Variants in PHLDB2 observed in about 807,000 individuals in gnomAD.
The protein encoded by PHLDB2 is pleckstrin homology like domain family B member 2.
A neutral mutation model predicts 123.6 loss-of-function variants in PHLDB2; 71 were observed. The ratio of observed to expected loss-of-function variants is 0.57; its 90% CI spans 0.47 to 0.70. PHLDB2 has a LOEUF of 0.70. Ranked by LOEUF, PHLDB2 falls within the 30% of genes least tolerant of loss-of-function variation. The probability of loss-of-function intolerance (pLI) is 0.00; values close to 1 mark genes in which losing one functional copy is unlikely to be tolerated. For missense variants in PHLDB2, 1,446 were observed against 1,519.5 expected (o/e 0.95, Z 0.80); for synonymous variants, 547 against 541.6 (o/e 1.01, Z -0.14).
rs61038523 is a variant in PHLDB2, at chr3:111,866,014, A to ATTTTTTTTTTTTTTTTT, written c.-15+6446_-15+6462dup. Reference sequence around the variant, plus strand: ...TTTTAGAAACCTACCCCACCCACTCATTTTTTTTTTTTTTTTTTTTTTTTG... The same window carrying ATTTTTTTTTTTTTTTTT: ...TTTTAGAAACCTACCCCACCCACTCATTTTTTTTTTTTTTTTTTTTTTTTTTTTTTTTTTTTTTTTTG... On this transcript the variant is annotated intron_variant, in intron 1 of 17. Coordinates refer to ENST00000431670, the MANE Select transcript of PHLDB2 (RefSeq NM_001134438.2). Among the ~76,000 whole-genome samples the ATTTTTTTTTTTTTTTTT allele has an allele frequency of 3.1e-3, 179 of 57,410 alleles. 29 individuals carry two copies. The highest frequency in any genetic ancestry group is 6.0e-3 in the East Asian group (7 of 1,166). The allele number at this position is 57,410 out of a possible 152,430, so 37.7% of individuals were successfully genotyped here.
chr3:111,878,824 T>G (rs1450068339), intron 1 of PHLDB2, among the ~76,000 whole-genome samples: 1 of 152,182 alleles, frequency 6.6e-6, no homozygotes, highest in Non-Finnish European at 1.5e-5. Flanking sequence ...TGGTTTTTAT[T>G]ATTGGTTCTG....
At chr3:111,752,248 CTG>C (rs767384410) in intron 1 of PHLDB2, among the ~76,000 whole-genome samples, 18 of 119,306 alleles carry the variant, frequency 1.5e-4, no homozygotes, top group East Asian at 5.3e-4. Flanking sequence ...GTGTCTGTGT[CTG>C]TGTGTGTGTG....
intron 1 of PHLDB2, among the ~76,000 whole-genome samples, chr3:111,823,931 C>T (rs1157302678): frequency 6.6e-6 from 1 of 152,158 alleles, no homozygotes; most frequent in Non-Finnish European, 1.5e-5. Context: ...GTATCTGTCT[C>T]TTTAGGTAAC....
Position 111,966,594 on chromosome 3 carries a change from G to C in PHLDB2, c.3078-19G>C, listed in dbSNP as rs766408045. 6 of 1,583,360 alleles carry C rather than the reference G, an allele frequency of 3.8e-6. No homozygotes were observed. The highest frequency in any genetic ancestry group is 5.2e-6 in the Non-Finnish European group (6 of 1,155,428). On this transcript the variant is annotated intron_variant, in intron 13 of 17. Transcript: ENST00000431670. ...CAGTCTAAACCAATATTCTCAAAAG[G>C]CTTTGGTGTTTCATTCAGTGCCAGC... is the stretch of plus-strand genomic sequence containing the variant.
At chr3:111,958,829 CCAA>C (rs1241802777) in intron 12 of PHLDB2, 1 of 428,650 alleles carries the variant, frequency 2.3e-6, no homozygotes, top group East Asian at 7.1e-5. Flanking sequence ...CTCATTTTTC[CCAA>C]TCTTGTTTCT....
At chr3:111,761,058 G>A (rs1275665496) in intron 1 of PHLDB2, among the ~76,000 whole-genome samples, 1 of 151,874 alleles carries the variant, frequency 6.6e-6, no homozygotes, top group Non-Finnish European at 1.5e-5. Flanking sequence ...GGTGGTGCGT[G>A]CTTGTAGTCC....
chr3:111,789,061 C>T (rs916694723), intron 1 of PHLDB2, among the ~76,000 whole-genome samples: 1 of 152,174 alleles, frequency 6.6e-6, no homozygotes, highest in Admixed American at 6.5e-5. Context: ...AAAGGAATGC[C>T]AGGTTCACAC....
At chr3:111,861,171 CT>C (rs1209356950) in intron 1 of PHLDB2, among the ~76,000 whole-genome samples, 1 of 152,186 alleles carries the variant, frequency 6.6e-6, no homozygotes, top group African/African-American at 2.4e-5. Context: ...GAGTTGCCCA[CT>C]ATTTTAACAG....
rs949208749 is a variant in PHLDB2 at position 111,763,893 on chromosome 3, T to A, written c.-49+31190T>A. On this transcript the variant is annotated intron_variant, in intron 1 of 17. Coordinates refer to the PHLDB2 transcript ENST00000393923. ...TCCCAGTTCCTAGAACTGTGAGGAATGAATTCTGTTTTTTCTAAGCTACCC... is the reference window on the plus strand; with the variant it reads ...TCCCAGTTCCTAGAACTGTGAGGAAAGAATTCTGTTTTTTCTAAGCTACCC... Among the ~76,000 whole-genome samples the A allele has an allele frequency of 2.7e-4, 41 of 152,290 alleles. 1 individual carries two copies. Among genetic ancestry groups the A allele is most frequent in the African/African-American group, 9.9e-4 (41 of 41,558 alleles).
intron 1 of PHLDB2, among the ~76,000 whole-genome samples, chr3:111,835,813 C>A (rs973480899): frequency 6.6e-6 from 1 of 152,204 alleles, no homozygotes; most frequent in Non-Finnish European, 1.5e-5. Flanking sequence ...GTAGTCTTTC[C>A]TCTTCCTCAC....
chr3:111,916,409 CT>C (rs2068180757), intron 3 of PHLDB2: 1 of 152,182 alleles, frequency 6.6e-6, no homozygotes, highest in East Asian at 1.9e-4. Context: ...TTAAAACAAC[CT>C]TCCTATTTGT....
In PHLDB2 at chr3:111,938,775, CTTCCT is replaced by C. The variant is rs547360232; in HGVS notation, c.2131-681_2131-677del. Among the ~76,000 whole-genome samples the C allele has an allele frequency of 2.3e-4, 35 of 150,386 alleles. 1 individual carries two copies. The highest frequency in any genetic ancestry group is 4.2e-4 in the South Asian group (2 of 4,722). On this transcript the variant is annotated intron_variant, in intron 6 of 17. Transcript: ENST00000431670. The stretch of plus-strand genomic sequence containing the variant: ...TATGAAAAATTGAAGAAAAGAAGAG[CTTCCT>C]TTCCTTTCCTTTCCTTTCTTTCTTT...
At position 111,974,572 on chromosome 3, in the gene PHLDB2, G is replaced by A. The variant is rs1577241463; in HGVS notation, c.*9G>A. The stretch of plus-strand genomic sequence containing the variant: ...CTCACTTCTTGTTGTAGTGAACTGA[G>A]GCAACAGTCCACTTCAGGGCAGACG... On this transcript the variant is annotated 3_prime_UTR_variant, in exon 18 of 18. Coordinates refer to ENST00000431670, the MANE Select transcript of PHLDB2 (RefSeq NM_001134438.2). 1.2e-6 allele frequency: 2 copies of A among 1,607,760 alleles called. No homozygotes were observed. The highest frequency in any genetic ancestry group is 8.5e-7 in the Non-Finnish European group (1 of 1,177,160).
chr3:111,879,093 T>C (rs1374838831), intron 1 of PHLDB2, among the ~76,000 whole-genome samples: 1 of 152,232 alleles, frequency 6.6e-6, no homozygotes, highest in Non-Finnish European at 1.5e-5. Flanking sequence ...CATTTCCTCT[T>C]TTTCTATTGT....
chr3:111,780,399 A>AGAAGAAGAGGAGGAAG (rs2060408116), intron 1 of PHLDB2, among the ~76,000 whole-genome samples: 2 of 74,364 alleles, frequency 2.7e-5, no homozygotes, highest in African/African-American at 9.4e-5. Context: ...AAGAAGAAGA[A>AGAAGAAGAGGAGGAAG]GAAGAAGAAG....
chr3:111,874,534 T>TG (rs1328099475), intron 1 of PHLDB2, among the ~76,000 whole-genome samples: 6 of 151,878 alleles, frequency 4.0e-5, no homozygotes, highest in Non-Finnish European at 7.4e-5. Context: ...CATTCAGGAG[T>TG]GGGGGTTAAC....
At chr3:111,828,041 A>G (rs1043915729) in intron 1 of PHLDB2, among the ~76,000 whole-genome samples, 24 of 152,244 alleles carry the variant, frequency 1.6e-4, no homozygotes, top group African/African-American at 5.8e-4. Context: ...ACTAACAGCT[A>G]TTCACAGTGC....
intron 1 of PHLDB2, among the ~76,000 whole-genome samples, chr3:111,868,041 C>G (rs1360751681): frequency 2.0e-5 from 3 of 151,966 alleles, no homozygotes; most frequent in Non-Finnish European, 4.4e-5. Flanking sequence ...GCTGCGTCAC[C>G]CAGACTGGAG....
At chr3:111,963,844 T>A (rs76273862) in intron 13 of PHLDB2, among the ~76,000 whole-genome samples, 5,013 of 152,306 alleles carry the variant, frequency 0.033, 152 homozygotes, top group South Asian at 0.13. Flanking sequence ...GTTCAAAAAA[T>A]TTCCAATTAA....
Sources: gnomAD v4.1 joint callset for allele counts (sites outside exome capture counted in the v4.1 genomes callset) on GRCh38, gnomAD v4.1.1 for gene constraint, MANE v1.5 for transcripts, NCBI Gene and HGNC (gene_info 2026-07-23, HGNC 2026-07-21) for gene names.